RIMS1: variants seen among roughly 807,000 people sequenced by gnomAD.
The protein encoded by RIMS1 is regulating synaptic membrane exocytosis protein 1.
A neutral mutation model predicts 214.1 loss-of-function variants in RIMS1; 83 were observed. The observed-to-expected ratio is 0.39, with a 90% CI of 0.32 to 0.47. The LOEUF (loss-of-function observed/expected upper bound fraction) is 0.47, where lower values mean the gene tolerates loss of function less well. Ranked by LOEUF, RIMS1 falls within the 20% of genes least tolerant of loss-of-function variation. RIMS1 has a pLI of 0.99. For missense variants in RIMS1, 2,050 were observed against 2,161.8 expected (o/e 0.95, Z 1.03); for synonymous variants, 793 against 786.8 (o/e 1.01, Z -0.13).
In RIMS1 at chr6:72,182,601, T is replaced by G; in HGVS notation, c.1130T>G (p.Met377Arg). Residue 377 changes from methionine to arginine, a missense_variant, in exon 6 of 34, where the codon ATG (methionine) becomes AGG (arginine). This residue lies in a region of RIMS1 where 882 missense variants were observed against 828.9 expected (regional missense o/e 1.06). Coordinates refer to ENST00000521978, the MANE Select transcript of RIMS1 (RefSeq NM_014989.7). ...CCGCCTGAGGAGCAGCAGATGCGCA[T>G]GCACGCCCGGGTGTCCCGCGCCAGG... ...KPPPEEQQMR[M>R]HARVSRARHE... 6.5e-7 allele frequency: 1 copy of G among 1,548,478 alleles called. No homozygotes were observed. Among genetic ancestry groups the G allele is most frequent in the Non-Finnish European group, 8.7e-7 (1 of 1,146,874 alleles).
At chr6:71,917,739 G>C (rs1323003597) in intron 1 of RIMS1, among the ~76,000 whole-genome samples, 1 of 152,182 alleles carries the variant, frequency 6.6e-6, no homozygotes, top group African/African-American at 2.4e-5. Flanking sequence ...ATTCAGGTGA[G>C]AGACGGTTAT....
chr6:72,060,877 T>C (rs985452788), intron 2 of RIMS1, among the ~76,000 whole-genome samples: 10 of 152,358 alleles, frequency 6.6e-5, no homozygotes, highest in African/African-American at 2.4e-4. Context: ...GAATTCCACA[T>C]GTACTTAACA....
intron 29 of RIMS1, among the ~76,000 whole-genome samples, chr6:72,387,002 G>A (rs2807516): frequency 0.038 from 5,847 of 152,112 alleles, 282 homozygotes; most frequent in African/African-American, 0.12. Context: ...CCAAGGTGCT[G>A]GGATTACAGG....
At chr6:72,217,249 C>T (rs1372454437) in intron 6 of RIMS1, 2 of 1,531,424 alleles carry the variant, frequency 1.3e-6, no homozygotes, top group South Asian at 1.2e-5. Flanking sequence ...AACAGGTAAA[C>T]TAAATTATAT....
chr6:72,367,012 A>T (rs899997358), intron 29 of RIMS1: 3 of 212,898 alleles, frequency 1.4e-5, no homozygotes, highest in Non-Finnish European at 2.4e-5. Flanking sequence ...AGGTAGTGTT[A>T]TACTTCAGAT....
chr6:72,260,788 A>T, intron 19 of RIMS1, 21 bp downstream of exon 19: 2 of 1,610,952 alleles, frequency 1.2e-6, no homozygotes, highest in South Asian at 2.2e-5. Context: ...GGATTTGGTA[A>T]TGGTGACTGT....
intron 1 of RIMS1, among the ~76,000 whole-genome samples, chr6:71,924,834 T>C (rs894446768): frequency 6.7e-6 from 1 of 149,660 alleles, no homozygotes; most frequent in Non-Finnish European, 1.5e-5. Context: ...AAAAAAGATT[T>C]AAGTGTAAGA....
At chr6:72,260,277 G>A (rs2077411545) in intron 18 of RIMS1, among the ~76,000 whole-genome samples, 2 of 152,014 alleles carry the variant, frequency 1.3e-5, no homozygotes, top group African/African-American at 2.4e-5. Flanking sequence ...TGCATTTTCA[G>A]TGGCTATAAA....
At chr6:72,057,353 A>C (rs943473643) in intron 2 of RIMS1, among the ~76,000 whole-genome samples, 1 of 152,200 alleles carries the variant, frequency 6.6e-6, no homozygotes, top group Admixed American at 6.5e-5. Context: ...TATATTATCT[A>C]ACTAAAAGAG....
chr6:72,367,209 C>T (rs1181421176), intron 29 of RIMS1, among the ~76,000 whole-genome samples: 1 of 152,122 alleles, frequency 6.6e-6, no homozygotes, highest in Non-Finnish European at 1.5e-5. Context: ...CTCATTACTA[C>T]CAAAACATAA....
At chr6:71,900,402 G>C (rs1441223636) in intron 1 of RIMS1, among the ~76,000 whole-genome samples, 1 of 152,102 alleles carries the variant, frequency 6.6e-6, no homozygotes, top group Non-Finnish European at 1.5e-5. Context: ...AAGAGCCAAA[G>C]GGTTTTGAAG....
At position 71,915,880 on chromosome 6, in the gene RIMS1, G is replaced by A. The variant is rs180971405; in HGVS notation, c.164+28693G>A. On this transcript the variant is annotated intron_variant, in intron 1 of 33. Transcript: ENST00000521978. ...GAAGGCAAAGGAGGGGCAAAGTCAT[G>A]TCTTATATGGCAGCAGTCAAGAGAG... 2.6e-3 allele frequency among the ~76,000 whole-genome samples: 390 copies of A among 152,206 alleles called. 2 individuals carry two copies. The highest frequency in any genetic ancestry group is 8.6e-3 in the African/African-American group (358 of 41,560).
In RIMS1 at chr6:72,260,722, C is replaced by A. The variant is rs915582424; in HGVS notation, c.3071C>A (p.Pro1024His). 2 of 1,612,426 alleles carry A rather than the reference C, an allele frequency of 1.2e-6. No individual in the cohort carries two copies. Among genetic ancestry groups the A allele is most frequent in the East Asian group, 4.5e-5 (2 of 44,832 alleles). ...SEQDSELLML[P>H]RAKRGRSAEC... is the part of the protein sequence containing the mutation. The stretch of plus-strand genomic sequence containing the variant: ...CTGTGCAGTGAGCTTCTTATGCTGC[C>A]CAGAGCAAAACGAGGACGAAGTGCA... The change falls in exon 19 of 34, where the codon CCC (proline) becomes CAC (histidine). Residue 1024 changes from proline to histidine, a missense_variant. Pro to His is a moderately conservative substitution (Grantham distance 77). Coordinates refer to ENST00000521978, the MANE Select transcript of RIMS1 (RefSeq NM_014989.7).
At chr6:72,289,888 G>C (rs2093059082) in intron 24 of RIMS1, among the ~76,000 whole-genome samples, 1 of 151,570 alleles carries the variant, frequency 6.6e-6, no homozygotes, top group East Asian at 1.9e-4. Context: ...CAATGAAAAA[G>C]GCAAAAGCAT....
At chr6:72,017,222 A>C (rs560677796) in intron 2 of RIMS1, among the ~76,000 whole-genome samples, 8 of 152,162 alleles carry the variant, frequency 5.3e-5, no homozygotes, top group Admixed American at 6.6e-5. Context: ...TAATATTTAC[A>C]TATTTTGATT....
intron 26 of RIMS1, among the ~76,000 whole-genome samples, chr6:72,301,773 G>C (rs1327283607): frequency 6.6e-6 from 1 of 151,484 alleles, no homozygotes; most frequent in East Asian, 1.9e-4. Flanking sequence ...TTTTATATAA[G>C]AAACTTGAGC....
At chr6:71,935,287 G>A (rs139610726) in intron 1 of RIMS1, among the ~76,000 whole-genome samples, 1,547 of 152,210 alleles carry the variant, frequency 0.01, 19 homozygotes, top group Non-Finnish European at 0.012. Context: ...GAGGCAAAAG[G>A]ATTTCCTTTC....
rs143911979 is a variant in RIMS1, at chr6:72,333,892, G to C, written c.4366+57G>C. 2.4e-4 allele frequency: 288 copies of C among 1,215,954 alleles called. 1 individual carries two copies. In the East Asian group the frequency reaches 4.1e-3, roughly 17 times the overall value. 75.3% of individuals were successfully genotyped at this position (1,215,954 alleles called of 1,614,324 possible). On this transcript the variant is annotated intron_variant, in intron 29 of 33. Coordinates refer to ENST00000521978, the MANE Select transcript of RIMS1 (RefSeq NM_014989.7). ...AATTCTTTTATGGAGAGAAAAACTTGATCTTCATGCTATGGCTTGTGATGG... is the reference window on the plus strand; with the variant it reads ...AATTCTTTTATGGAGAGAAAAACTTCATCTTCATGCTATGGCTTGTGATGG...
chr6:72,058,616 C>A (rs1013507327), intron 2 of RIMS1, among the ~76,000 whole-genome samples: 7 of 152,184 alleles, frequency 4.6e-5, no homozygotes, highest in Non-Finnish European at 8.8e-5. Context: ...TTTCTCTCTT[C>A]CTGCTTTGGG....
Sources: allele counts gnomAD v4.1 joint callset (sites outside exome capture counted in the v4.1 genomes callset), GRCh38; gene constraint gnomAD v4.1.1; regional missense constraint gnomAD v4.1.1; transcripts MANE v1.5; gene names NCBI Gene and HGNC (gene_info 2026-07-23, HGNC 2026-07-21).